The following POU2F2 variants were observed in gnomAD, a reference collection of about 807,000 sequenced individuals.
POU2F2 encodes POU class 2 homeobox 2, also known as POU domain, class 2, transcription factor 2.
Under a neutral mutation model 63.5 loss-of-function variants are expected in POU2F2, and 14 were observed. The ratio of observed to expected loss-of-function variants is 0.22; its 90% CI spans 0.15 to 0.34. POU2F2 has a LOEUF of 0.34. POU2F2 is among the 10% of genes least tolerant of loss of function. The probability of loss-of-function intolerance (pLI) is 1.00; values close to 1 mark genes in which losing one functional copy is unlikely to be tolerated. For missense variants in POU2F2, 607 were observed against 815.2 expected (o/e 0.74, Z 3.11); for synonymous variants, 306 against 348.6 (o/e 0.88, Z 1.36).
In POU2F2 at chr19:42,152,230, T is replaced by G. The variant is rs1197912697; in HGVS notation, c.-9+8102A>C. Reference sequence around the variant, plus strand: ...AAAGAGACAGAAGGAAACAGGCAGATCTTCTGTGCTTAAATTCTCCTATGA... The same window carrying G: ...AAAGAGACAGAAGGAAACAGGCAGAGCTTCTGTGCTTAAATTCTCCTATGA... On this transcript the variant is annotated intron_variant, in intron 2 of 6. Transcript: ENST00000524801. The surrounding 1 kb of genome is among the most constrained non-coding windows in gnomAD (Gnocchi z 4.1). Among the ~76,000 whole-genome samples the G allele has an allele frequency of 6.6e-6, 1 of 151,960 alleles. No individual in the cohort carries two copies. Among genetic ancestry groups the G allele is most frequent in the Non-Finnish European group, 1.5e-5 (1 of 67,974 alleles).
intron 1 of POU2F2, among the ~76,000 whole-genome samples, chr19:42,181,574 T>TTATA (rs2034961237): frequency 6.6e-6 from 1 of 150,400 alleles, no homozygotes; most frequent in African/African-American, 2.4e-5. Context: ...GAACATACAT[T>TTATA]TATTTATTTA....
chr19:42,183,411 A>C (rs2034983318), intron 1 of POU2F2, among the ~76,000 whole-genome samples: 1 of 152,148 alleles, frequency 6.6e-6, no homozygotes, highest in Non-Finnish European at 1.5e-5. Context: ...AAAGCAAATG[A>C]GTGGTTGAAA....
chr19:42,177,724 G>A (rs994704892), upstream of POU2F2, among the ~76,000 whole-genome samples: 2 of 151,696 alleles, frequency 1.3e-5, no homozygotes, highest in Non-Finnish European at 2.9e-5. Flanking sequence ...GGGTAAGGGC[G>A]AGGGGCAGGG....
chr19:42,121,193 A>G (rs2032567900), intron 4 of POU2F2, among the ~76,000 whole-genome samples: 1 of 152,200 alleles, frequency 6.6e-6, no homozygotes, highest in Non-Finnish European at 1.5e-5. Context: ...CTAAGGCAAT[A>G]GCCAAACCTG....
upstream of POU2F2, among the ~76,000 whole-genome samples, chr19:42,135,403 G>A (rs2033985216): frequency 6.6e-6 from 1 of 152,008 alleles, no homozygotes; most frequent in Admixed American, 6.6e-5. Context: ...GGGGGGTTAG[G>A]GAAAGCTAAC....
chr19:42,113,290 A>C (rs927784310), intron 5 of POU2F2, among the ~76,000 whole-genome samples: 1 of 152,308 alleles, frequency 6.6e-6, no homozygotes, highest in South Asian at 2.1e-4. Context: ...CTGGAGAGAT[A>C]TCTCTCCTAT....
In POU2F2 at chr19:42,096,635, A is replaced by G. The variant is rs2076932359; in HGVS notation, c.568-392T>C. 6.6e-6 allele frequency among the ~76,000 whole-genome samples: 1 copy of G among 152,336 alleles called. No homozygotes were observed. Among genetic ancestry groups the G allele is most frequent in the Admixed American group, 6.5e-5 (1 of 15,298 alleles). ...CTGCCACCAAATCACTGCTTAGCCC[A>G]GGCCTCACTTTCCCCCTCTGCAGGA... is the stretch of plus-strand genomic sequence containing the variant. On this transcript the variant is annotated intron_variant, in intron 7 of 14. Coordinates refer to ENST00000692977, the MANE Select transcript of POU2F2 (RefSeq NM_001394376.1). The surrounding 1 kb of genome is among the most constrained non-coding windows in gnomAD (Gnocchi z 4.1).
chr19:42,088,787 A>G lies in POU2F2; in HGVS notation c.*2470T>C, dbSNP rs980743354. 3 of 152,434 alleles carry G rather than the reference A, an allele frequency of 2.0e-5. No homozygotes were observed. The highest frequency in any genetic ancestry group is 4.4e-5 in the Non-Finnish European group (3 of 67,990). The allele number at this position is 152,434 out of a possible 1,614,324, so 9.4% of individuals were successfully genotyped here. ...GGAGTCGTTCAGCGGAGATGCTTAC[A>G]TTCCGGTGAGGTTGGGTAGACGAGG... On this transcript the variant is annotated 3_prime_UTR_variant, in exon 15 of 15. Transcript: ENST00000692977.
intron 7 of POU2F2, 132 bp downstream of exon 7, chr19:42,099,395 C>T: frequency 1.2e-6 from 1 of 808,200 alleles, no homozygotes; most frequent in Non-Finnish European, 2.0e-6. Context: ...TGAGGTCTCA[C>T]AGCAAATCAC....
rs1320409347 is a variant in POU2F2, at chr19:42,095,611, C to T, written c.954G>A (p.Arg318=). 1 of 1,613,080 alleles carries T rather than the reference C, an allele frequency of 6.2e-7. No homozygotes were observed. Among genetic ancestry groups the T allele is most frequent in the Non-Finnish European group, 8.5e-7 (1 of 1,179,770 alleles). Residue 318 remains arginine (R), a synonymous_variant, in exon 10 of 15, where the codon CGG becomes CGA. Coordinates refer to ENST00000692977, the MANE Select transcript of POU2F2 (RefSeq NM_001394376.1). The surrounding 1 kb of genome is among the most constrained non-coding windows in gnomAD (Gnocchi z 7.1). ...CGATGCTGGTCCTCTTCTTGCGTCT[C>T]CGGCCGGGCAGGCCGTCGAAACCCA... ...PSLGFDGLPG[R]RRKKRTSIET...
At chr19:42,154,335 G>C (rs1307349644) in intron 2 of POU2F2, among the ~76,000 whole-genome samples, 1 of 152,042 alleles carries the variant, frequency 6.6e-6, no homozygotes, top group Non-Finnish European at 1.5e-5. Flanking sequence ...CAGAGAAGCA[G>C]AGACAGAAGA....
At chr19:42,163,832 G>A (rs1274408821) in intron 1 of POU2F2, among the ~76,000 whole-genome samples, 2 of 152,262 alleles carry the variant, frequency 1.3e-5, no homozygotes, top group South Asian at 4.1e-4. Context: ...ATAAATGATA[G>A]TATAGTGGCC....
In POU2F2 at chr19:42,137,971, C is replaced by T. The variant is rs141824112; in HGVS notation, c.-8-15395G>A. Among the ~76,000 whole-genome samples, 520 of 152,136 alleles carry T rather than the reference C, an allele frequency of 3.4e-3. 14 individuals are homozygous for T. In the East Asian group the frequency reaches 0.055, roughly 16 times the overall value. ...TGAACAAAGAAGAGAAGATAGGAGA[C>T]GAGGTGTGAGGTGGAGAGGCGGCCA... On this transcript the variant is annotated intron_variant, in intron 2 of 6. Coordinates refer to the POU2F2 transcript ENST00000524801.
intron 1 of POU2F2, among the ~76,000 whole-genome samples, chr19:42,170,969 C>T (rs1599710745): frequency 6.6e-6 from 1 of 152,282 alleles, no homozygotes; most frequent in East Asian, 1.9e-4. Flanking sequence ...TCAGCGGCCT[C>T]GGCCATTAGT....
intron 1 of POU2F2, among the ~76,000 whole-genome samples, chr19:42,161,972 G>A (rs1330115623): frequency 6.6e-6 from 1 of 152,210 alleles, no homozygotes; most frequent in Non-Finnish European, 1.5e-5. Flanking sequence ...GCGTTTAATC[G>A]CCTTGCCGAT....
At chr19:42,143,624 C>T (rs889148574) in intron 2 of POU2F2, among the ~76,000 whole-genome samples, 2 of 152,336 alleles carry the variant, frequency 1.3e-5, no homozygotes, top group African/African-American at 4.8e-5. Context: ...TTCAAGATGC[C>T]TCATTCTGAA....
At chr19:42,130,891 T>C (rs1379763991) in intron 1 of POU2F2, among the ~76,000 whole-genome samples, 3 of 137,780 alleles carry the variant, frequency 2.2e-5, no homozygotes, top group Non-Finnish European at 3.1e-5. Context: ...TGTCCCCCTA[T>C]CCCAGCCCTG....
chr19:42,105,469 G>T (rs374470019), intron 5 of POU2F2, among the ~76,000 whole-genome samples: 2 of 152,040 alleles, frequency 1.3e-5, no homozygotes, highest in African/African-American at 2.4e-5. Context: ...ATAACCCTTA[G>T]CTTGTTGATT....
At chr19:42,128,993 C>T (rs1036844605) in intron 1 of POU2F2, among the ~76,000 whole-genome samples, 2 of 152,018 alleles carry the variant, frequency 1.3e-5, no homozygotes, top group East Asian at 1.9e-4. Flanking sequence ...TCACCATGCC[C>T]GGCTAATTTT....
Sources: gnomAD v4.1 joint callset for allele counts (sites outside exome capture counted in the v4.1 genomes callset) on GRCh38, gnomAD v4.1.1 for gene constraint, Gnocchi (gnomAD v3.1) non-coding constraint, MANE v1.5 for transcripts, NCBI Gene and HGNC (gene_info 2026-07-23, HGNC 2026-07-21) for gene names.